Variants in NTRK2 observed in about 807,000 individuals in gnomAD.
NTRK2 encodes the protein neurotrophic receptor tyrosine kinase 2.
Under a neutral mutation model 94.5 loss-of-function variants are expected in NTRK2, and 13 were observed. The observed-to-expected ratio is 0.14, with a 90% CI of 0.09 to 0.22. The LOEUF (loss-of-function observed/expected upper bound fraction) is 0.22. Among genes scored for constraint, NTRK2 ranks in the 10% least tolerant of loss-of-function variants. The pLI is 1.00. For missense variants in NTRK2, 639 were observed against 1,071.2 expected (o/e 0.60, Z 5.63); for synonymous variants, 372 against 407.4 (o/e 0.91, Z 1.05).
In NTRK2 at chr9:85,022,602, G is replaced by A. The variant is rs201972858; in HGVS notation, c.*1165G>A. On this transcript the variant is annotated 3_prime_UTR_variant, in exon 19 of 19. Transcript: ENST00000277120. ...CGACCCCTAACTTCCATGCCCACCC[G>A]TCCTTTTAACTGTGCAAGCAAAATT... is the stretch of plus-strand genomic sequence containing the variant. 5.2e-5 allele frequency: 12 copies of A among 233,008 alleles called. No homozygotes were observed. The highest frequency in any genetic ancestry group is 1.8e-4 in the South Asian group (1 of 5,518). 14.4% of individuals were successfully genotyped at this position (233,008 alleles called of 1,614,324 possible).
At chr9:84,814,766 A>G (rs2072204383) in intron 12 of NTRK2, 11 of 1,064,178 alleles carry the variant, frequency 1.0e-5, no homozygotes, top group Non-Finnish European at 6.8e-6. Flanking sequence ...AATTCCATCT[A>G]GCATAGGGTC....
intron 11 of NTRK2, 92 bp from the exon 12 acceptor site, chr9:84,751,894 C>T: frequency 1.0e-6 from 1 of 958,338 alleles, no homozygotes; most frequent in Non-Finnish European, 1.7e-6. Context: ...TATGAACTGC[C>T]TGTATCATTA....
intron 7 of NTRK2, 79 bp downstream of exon 7, chr9:84,723,788 G>C: frequency 6.4e-7 from 1 of 1,560,178 alleles, no homozygotes; most frequent in Non-Finnish European, 8.8e-7. Context: ...ACCTAGTGAT[G>C]ATCATTTGAT....
chr9:85,019,169 T>C (rs748453193), intron 17 of NTRK2, among the ~76,000 whole-genome samples: 3 of 152,288 alleles, frequency 2.0e-5, no homozygotes, highest in Middle Eastern at 6.8e-3. Context: ...TAACTGGATA[T>C]TGAGATTAGA....
intron 17 of NTRK2, among the ~76,000 whole-genome samples, chr9:84,972,922 T>G (rs2133154542): frequency 6.6e-6 from 1 of 152,352 alleles, no homozygotes; most frequent in Non-Finnish European, 1.5e-5. Context: ...TGAAGCACTC[T>G]GCTTCCAGAA....
intron 17 of NTRK2, among the ~76,000 whole-genome samples, chr9:84,987,844 C>T (rs4401950): frequency 0.87 from 132,153 of 152,228 alleles, 57,676 homozygotes; most frequent in African/African-American, 0.95. Flanking sequence ...CTACATGTAA[C>T]TAATGATGTT....
chr9:84,691,049 C>A (rs1056410976), intron 2 of NTRK2, among the ~76,000 whole-genome samples: 1 of 152,216 alleles, frequency 6.6e-6, no homozygotes, highest in African/African-American at 2.4e-5. Context: ...AGAACTCCAA[C>A]TAACCCTAAT....
intron 12 of NTRK2, among the ~76,000 whole-genome samples, chr9:84,780,531 A>C (rs1398708605): frequency 6.6e-6 from 1 of 152,162 alleles, no homozygotes; most frequent in Non-Finnish European, 1.5e-5. Flanking sequence ...GCCAGTCCCT[A>C]AATCAACGTA....
chr9:84,858,407 CCTTA>C (rs2131965272), intron 12 of NTRK2, among the ~76,000 whole-genome samples: 1 of 151,708 alleles, frequency 6.6e-6, no homozygotes, highest in Non-Finnish European at 1.5e-5. Flanking sequence ...TTGACTTGGC[CCTTA>C]CTTGTACTTC....
intron 14 of NTRK2, among the ~76,000 whole-genome samples, chr9:84,886,198 G>T (rs1024340407): frequency 5.9e-5 from 9 of 152,180 alleles, no homozygotes; most frequent in Non-Finnish European, 1.0e-4. Context: ...TGAAGAATTT[G>T]TTGTGGACTC....
chr9:84,714,801 G>A (rs2061611979), intron 6 of NTRK2, among the ~76,000 whole-genome samples: 1 of 152,138 alleles, frequency 6.6e-6, no homozygotes, highest in South Asian at 2.1e-4. Flanking sequence ...CAGATTTGAA[G>A]TTCATCTTAT....
intron 12 of NTRK2, among the ~76,000 whole-genome samples, chr9:84,801,316 A>G (rs2070420248): frequency 6.6e-6 from 1 of 152,220 alleles, no homozygotes; most frequent in South Asian, 2.1e-4. Flanking sequence ...GGTTTCTTTC[A>G]GGCATCACTG....
rs956446101 is a variant in NTRK2 at position 84,696,383 on chromosome 9, A to G, written c.213-5776A>G. Among the ~76,000 whole-genome samples the G allele has an allele frequency of 2.6e-5, 4 of 152,338 alleles. No individual in the cohort carries two copies. The East Asian group carries it at 7.7e-4, about 29-fold the overall frequency. On this transcript the variant is annotated intron_variant, in intron 2 of 18. Transcript: ENST00000277120. ...GTTCTTGTAATCTAAATTAGCTTTT[A>G]GATTGGACAAATTTGGGGTTCCAAA...
intron 12 of NTRK2, among the ~76,000 whole-genome samples, chr9:84,806,997 C>A (rs181102703): frequency 6.6e-6 from 1 of 152,234 alleles, no homozygotes; most frequent in Non-Finnish European, 1.5e-5. Context: ...CACCATGCCA[C>A]GCAGATGCTC....
At chr9:84,730,783 C>CAAAAAAAAAAAAAAAAAAAAAAAAAAA in intron 9 of NTRK2, among the ~76,000 whole-genome samples, 1 of 24,142 alleles carries the variant, frequency 4.1e-5, no homozygotes, top group African/African-American at 1.8e-4. Flanking sequence ...AAACAAATAG[C>CAAAAAAAAAAAAAAAAAAAAAAAAAAA]AAAAAAAAAA....
intron 12 of NTRK2, among the ~76,000 whole-genome samples, chr9:84,763,390 A>C (rs1267137234): frequency 6.6e-6 from 1 of 152,112 alleles, no homozygotes; most frequent in Non-Finnish European, 1.5e-5. Flanking sequence ...GGACAGGAAG[A>C]ACATGAAAAA....
intron 12 of NTRK2, among the ~76,000 whole-genome samples, chr9:84,766,938 A>C (rs532919151): frequency 6.6e-6 from 1 of 152,150 alleles, no homozygotes; most frequent in Admixed American, 6.5e-5. Flanking sequence ...TCATCCCAGA[A>C]TGATGGCTTG....
At chr9:84,763,907 G>T (rs935320308) in intron 12 of NTRK2, among the ~76,000 whole-genome samples, 2 of 151,822 alleles carry the variant, frequency 1.3e-5, no homozygotes. Context: ...CCTTACACTG[G>T]CTATTTGAAG....
At chr9:84,825,766 T>A (rs1055446204) in intron 12 of NTRK2, among the ~76,000 whole-genome samples, 2 of 152,190 alleles carry the variant, frequency 1.3e-5, no homozygotes, top group African/African-American at 2.4e-5. Context: ...TGTGCCATAG[T>A]GTTCATCTGG....
Sources: allele counts gnomAD v4.1 joint callset (sites outside exome capture counted in the v4.1 genomes callset), GRCh38; gene constraint gnomAD v4.1.1; transcripts MANE v1.5; gene names NCBI Gene and HGNC (gene_info 2026-07-23, HGNC 2026-07-21).